Variants in NUP98 observed in about 807,000 individuals in gnomAD.
NUP98 encodes the protein nucleoporin 98 and 96 precursor.
Under a neutral mutation model 191.9 loss-of-function variants are expected in NUP98, and 26 were observed. That is an observed-to-expected ratio of 0.14 (90% CI 0.10 to 0.19). The LOEUF is 0.19. Ranked by LOEUF, NUP98 falls within the 10% of genes least tolerant of loss-of-function variation. The pLI, the probability that NUP98 is intolerant of heterozygous loss-of-function variation, is 1.00. For synonymous variants in NUP98, 808 were observed against 778.4 expected (o/e 1.04, Z -0.63); for missense variants, 1,941 against 2,178.8 (o/e 0.89, Z 2.17).
chr11:3,695,326 A>T, intron 26 of NUP98, 123 bp downstream of exon 26: 1 of 840,764 alleles, frequency 1.2e-6, no homozygotes, highest in Non-Finnish European at 1.7e-6. Context: ...AAAATTGTCC[A>T]ATGTGTAAAA....
At chr11:3,699,034 A>C (rs2078598448) in intron 25 of NUP98, 48 bp downstream of exon 25, 2 of 1,598,240 alleles carry the variant, frequency 1.3e-6, no homozygotes, top group Non-Finnish European at 1.7e-6. Flanking sequence ...GGAGGCAGTG[A>C]GTAGGAAGGC....
At position 3,719,526 on chromosome 11, in the gene NUP98, C is replaced by T. The variant is rs1361993033; in HGVS notation, c.2285G>A (p.Gly762Glu). The T allele has an allele frequency of 6.3e-7, 1 of 1,588,052 alleles. No homozygotes were observed. Residue 762 changes from glycine (G) to glutamate (E), a missense_variant, in exon 18 of 33, where the codon GGA (glycine) becomes GAA (glutamate). This residue lies in a region of NUP98 where 453 missense variants were observed against 438.2 expected (regional missense o/e 1.03). Transcript: ENST00000324932. Reference sequence around the variant, plus strand: ...ATTTAGATTTGTCAAATTCACATCTCCTTCAAAATAGATTGAACCATAACC... The same window carrying T: ...ATTTAGATTTGTCAAATTCACATCTTCTTCAAAATAGATTGAACCATAACC... Reference protein sequence around the residue: ...RKGYGSIYFEGDVNLTNLNLD... With the variant: ...RKGYGSIYFEEDVNLTNLNLD...
At chr11:3,736,142 G>A (rs1022581458) in intron 12 of NUP98, among the ~76,000 whole-genome samples, 21 of 151,748 alleles carry the variant, frequency 1.4e-4, no homozygotes, top group Non-Finnish European at 2.1e-4. Flanking sequence ...ATGTTGCCCA[G>A]GCTGGTCTTG....
chr11:3,705,300 T>C lies in NUP98; in HGVS notation c.2982A>G (p.Gln994=), dbSNP rs758147487. 15 of 1,613,986 alleles carry C rather than the reference T, an allele frequency of 9.3e-6. No individual in the cohort carries two copies. In the East Asian group the frequency reaches 2.4e-4, roughly 26 times the overall value. ...DEEDVDMALD[Q]RFSRLPSKAD... is the part of the protein sequence containing the mutation. ...CTTTGGAAGGCAGGCGACTGAAGCG[T>C]TGATCCAGTGCCATATCTACATCTT... Residue 994 remains glutamine, a synonymous_variant, in exon 22 of 33, where the codon CAA becomes CAG. Transcript: ENST00000324932.
rs1048410726 is a variant in NUP98, at chr11:3,779,134, A to G, written c.178+22T>C. 3.1e-6 allele frequency: 5 copies of G among 1,613,164 alleles called. No homozygotes were observed. In the African/African-American group the frequency reaches 5.3e-5, roughly 17 times the overall value. The stretch of plus-strand genomic sequence containing the variant: ...TATACTAGCTACAAACAAACCAGTT[A>G]TATCACAAATAAAGCCCCTACCTGG... On this transcript the variant is annotated intron_variant, in intron 3 of 32. Coordinates refer to ENST00000324932, the MANE Select transcript of NUP98 (RefSeq NM_016320.5).
intron 22 of NUP98, among the ~76,000 whole-genome samples, chr11:3,703,504 C>G (rs2078771875): frequency 6.6e-6 from 1 of 152,182 alleles, no homozygotes; most frequent in Non-Finnish European, 1.5e-5. Context: ...GCATGAGCCA[C>G]TGCACTTGGC....
In NUP98 at chr11:3,731,426, A is replaced by G. The variant is rs2079846107; in HGVS notation, c.1695T>C (p.Asp565=). The G allele has an allele frequency of 4.4e-6, 7 of 1,605,406 alleles. No individual in the cohort carries two copies. The highest frequency in any genetic ancestry group is 1.3e-5 in the African/African-American group (1 of 74,846). ...KSHLFDGLDD[D]EPSLANGAFM... The stretch of plus-strand genomic sequence containing the variant: ...ATGCTCCATTGGCTAGGGATGGTTC[A>G]TCGTCATCCAGCCCATCAAAGAGAT... Residue 565 remains aspartate (D), a synonymous_variant, in exon 14 of 33, where the codon GAT becomes GAC. Coordinates refer to ENST00000324932, the MANE Select transcript of NUP98 (RefSeq NM_016320.5).
At chr11:3,730,430 C>T (rs1440587800) in intron 14 of NUP98, among the ~76,000 whole-genome samples, 1 of 151,654 alleles carries the variant, frequency 6.6e-6, no homozygotes, top group African/African-American at 2.4e-5. Flanking sequence ...GATCCCAGCT[C>T]ACTGCAACCT....
chr11:3,723,171 T>C lies in NUP98; in HGVS notation c.2132A>G (p.His711Arg), dbSNP rs146654145. The C allele has an allele frequency of 5.1e-5, 82 of 1,614,076 alleles. No individual in the cohort carries two copies. The African/African-American group carries it at 6.0e-4, about 12-fold the overall frequency. Residue 711 changes from histidine to arginine, a missense_variant, in exon 16 of 33, where the codon CAT (histidine) becomes CGT (arginine). This residue lies in a region of NUP98 where 453 missense variants were observed against 438.2 expected (regional missense o/e 1.03). Coordinates refer to ENST00000324932, the MANE Select transcript of NUP98 (RefSeq NM_016320.5). ...DREEIENNSY[H>R]MHPAGIILTK... ...CTGAACCTGACCTGCTGGGTGCATA[T>C]GGTAAGAATTATTTTCTATTTCTTC...
At chr11:3,739,972 T>C (rs1179576262) in intron 12 of NUP98, among the ~76,000 whole-genome samples, 2 of 152,194 alleles carry the variant, frequency 1.3e-5, no homozygotes, top group Non-Finnish European at 2.9e-5. Flanking sequence ...AGTAAGAATA[T>C]AGTACGTACT....
In NUP98 at chr11:3,676,272, G is replaced by A. The variant is rs766745271; in HGVS notation, c.5290C>T (p.Arg1764Cys). 8.1e-6 allele frequency: 13 copies of A among 1,614,172 alleles called. No individual in the cohort carries two copies. Among genetic ancestry groups the A allele is most frequent in the East Asian group, 2.2e-5 (1 of 44,868 alleles). Residue 1764 changes from arginine to cysteine, a missense_variant, in exon 33 of 33, where the codon CGC becomes TGC. By Grantham distance (180) the Arg-to-Cys change is radical. Around this residue, in one of 6 missense-constraint regions of NUP98, gnomAD observed 1,030 missense variants for 1,115.8 expected, o/e 0.92. Coordinates refer to ENST00000324932, the MANE Select transcript of NUP98 (RefSeq NM_016320.5). Reference protein sequence around the residue: ...STPDPQRVPLRLLAPHIGRLP... With the variant: ...STPDPQRVPLCLLAPHIGRLP... ...CGGCCAATGTGGGGAGCCAAGAGGC[G>A]CAAAGGGACTCGCTGAGGGTCTGGT...
At chr11:3,749,679 G>A (rs1337494221) in intron 11 of NUP98, among the ~76,000 whole-genome samples, 7 of 150,996 alleles carry the variant, frequency 4.6e-5, no homozygotes, top group Admixed American at 1.3e-4. Flanking sequence ...AGTGGTAGGT[G>A]CAGAAAAAAA....
intron 7 of NUP98, among the ~76,000 whole-genome samples, chr11:3,770,424 G>A (rs1240638807): frequency 6.6e-6 from 1 of 152,092 alleles, no homozygotes; most frequent in African/African-American, 2.4e-5. Flanking sequence ...GCTGTAGTGA[G>A]CCCTGATCAC....
intron 18 of NUP98, 53 bp downstream of exon 18, chr11:3,719,359 A>T (rs1374583238): frequency 5.4e-5 from 78 of 1,438,226 alleles, no homozygotes; most frequent in South Asian, 1.3e-4. Flanking sequence ...ATGTTTACAG[A>T]AAAAAAAATT....
In NUP98 at chr11:3,771,750, G is replaced by T; in HGVS notation, c.782C>A (p.Thr261Asn). The T allele has an allele frequency of 6.2e-7, 1 of 1,613,790 alleles. No individual in the cohort carries two copies. The highest frequency in any genetic ancestry group is 8.5e-7 in the Non-Finnish European group (1 of 1,179,734). Residue 261 changes from threonine (T) to asparagine (N), a missense_variant and splice_region_variant, in exon 7 of 33, where the codon ACT (threonine) becomes AAT (asparagine). By Grantham distance (65) the Thr-to-Asn change is moderately conservative. This residue lies in a region of NUP98 where 181 missense variants were observed against 228.0 expected (regional missense o/e 0.79). Transcript: ENST00000324932. The part of the protein sequence containing the change: ...AYGQNKTAFG[T>N]STTGFGTNPG... ...CTAACATGATATCAAGTGCTTACTAGTTCCAAAGGCAGTTTTGTTCTGACC... is the reference window on the plus strand; with the variant it reads ...CTAACATGATATCAAGTGCTTACTATTTCCAAAGGCAGTTTTGTTCTGACC...
chr11:3,696,415 C>T (rs2078506626), intron 25 of NUP98, among the ~76,000 whole-genome samples: 1 of 151,218 alleles, frequency 6.6e-6, no homozygotes, highest in South Asian at 2.1e-4. Context: ...GACACGAGAA[C>T]CACTTGAACC....
rs964852775 is a variant in NUP98 at position 3,675,275 on chromosome 11, T to C, written c.*884A>G. On this transcript the variant is annotated 3_prime_UTR_variant, in exon 33 of 33. Coordinates refer to ENST00000324932, the MANE Select transcript of NUP98 (RefSeq NM_016320.5). ...TGCCCCTAACGCCCAACTCCATGCC[T>C]GCCTCAGTCATGGTTTGTTTTTGCT... 1.4e-5 allele frequency: 3 copies of C among 218,572 alleles called. No individual in the cohort carries two copies. The highest frequency in any genetic ancestry group is 1.8e-5 in the Non-Finnish European group (2 of 108,534). 13.5% of individuals were successfully genotyped at this position (218,572 alleles called of 1,614,324 possible). A position where few individuals can be genotyped will look rare whatever the true frequency, so the allele number is the denominator to read the frequency against.
In NUP98 at chr11:3,773,795, TCA is replaced by T. The variant is rs1362250915; in HGVS notation, c.496-58_496-57del. ...GTCCAAGTTTTACATTCCTACTCTC[TCA>T]GATACAATTTCTCAACCACTGAACT... is the stretch of plus-strand genomic sequence containing the variant. On this transcript the variant is annotated intron_variant, in intron 5 of 32. Transcript: ENST00000324932. 1.0e-4 allele frequency: 101 copies of T among 1,009,988 alleles called. No homozygotes were observed. In the South Asian group the frequency reaches 1.3e-3, roughly 13 times the overall value. 62.6% of individuals were successfully genotyped at this position (1,009,988 alleles called of 1,614,324 possible).
At chr11:3,760,996 C>G (rs2081145784) in intron 9 of NUP98, among the ~76,000 whole-genome samples, 1 of 152,146 alleles carries the variant, frequency 6.6e-6, no homozygotes, top group Non-Finnish European at 1.5e-5. Flanking sequence ...GAAATCACTA[C>G]AAGAAAAACT....
Sources: gnomAD v4.1 joint callset for allele counts (sites outside exome capture counted in the v4.1 genomes callset) on GRCh38, gnomAD v4.1.1 for gene constraint, gnomAD v4.1.1 regional missense constraint, MANE v1.5 for transcripts, NCBI Gene and HGNC (gene_info 2026-07-23, HGNC 2026-07-21) for gene names.